The following DSC3 variants were observed in gnomAD, a reference collection of about 807,000 sequenced individuals.
The protein encoded by DSC3 is desmocollin-3.
Under a neutral mutation model 89.5 loss-of-function variants are expected in DSC3, and 97 were observed. The ratio of observed to expected loss-of-function variants is 1.08; its 90% CI spans 0.92 to 1.28. The LOEUF is 1.28. Ranked by LOEUF, DSC3 falls within the 50% of genes most tolerant of loss-of-function variation. DSC3 has a pLI of 0.00. For synonymous variants in DSC3, 436 were observed against 384.1 expected, an observed-to-expected ratio of 1.14 and a Z score of -1.58; for missense variants, 1,199 against 1,085.3, an observed-to-expected ratio of 1.10 and a Z score of -1.47.
chr18:30,995,665 G>C (rs1451682517), intron 15 of DSC3, among the ~76,000 whole-genome samples: 3 of 152,218 alleles, frequency 2.0e-5, no homozygotes, highest in Non-Finnish European at 1.5e-5. Flanking sequence ...CATTAGTTAT[G>C]TTTTAAAAGC....
At position 31,031,121 on chromosome 18, in the gene DSC3, G is replaced by A. The variant is rs756043552; in HGVS notation, c.206C>T (p.Pro69Leu). 4.3e-6 allele frequency: 7 copies of A among 1,613,440 alleles called. No homozygotes were observed. In the East Asian group the frequency reaches 8.9e-5, roughly 21 times the overall value. The change falls in exon 3 of 16, where the codon CCT becomes CTT. Residue 69 changes from proline (P) to leucine (L), a missense_variant. Physicochemically the swap from Pro to Leu is moderately conservative, Grantham distance 98 (BLOSUM62 -3). Transcript: ENST00000360428. ...RSADLIRSSD[P>L]DFRVLNDGSV... ...CCCATCATTTAGAACTCTGAAATCA[G>A]GATCACTTGACCGGATGAGGTCTGC...
Position 31,042,628 on chromosome 18 carries a change from G to A in DSC3, c.33C>T (p.Arg11=), listed in dbSNP as rs1029822783. The A allele has an allele frequency of 2.6e-6, 4 of 1,550,254 alleles. No individual in the cohort carries two copies. The highest frequency in any genetic ancestry group is 1.7e-4 in the Middle Eastern group (1 of 5,984). The change falls in exon 1 of 16, where the codon CGC becomes CGT. Residue 11 remains arginine, a synonymous_variant. Transcript: ENST00000360428. ...GCAGCAGATGCAGGCAGACGGCTCC[G>A]CGCACGGAGCGCCGGGGCCCAGCGG... is the stretch of plus-strand genomic sequence containing the variant. MAAAGPRRSV[R]GAVCLHLLLT... is the part of the protein sequence containing the mutation.
chr18:31,007,225 T>G, intron 11 of DSC3, 94 bp from the exon 12 acceptor site: 1 of 828,526 alleles, frequency 1.2e-6, no homozygotes, highest in African/African-American at 1.7e-5. Context: ...ACATGATCTG[T>G]TTTTAAATAA....
intron 9 of DSC3, among the ~76,000 whole-genome samples, chr18:31,015,450 T>C (rs138567401): frequency 6.6e-6 from 1 of 152,328 alleles, no homozygotes; most frequent in African/African-American, 2.4e-5. Flanking sequence ...CAAAAGAACA[T>C]TGAGTACATA....
At chr18:31,021,146 T>C (rs1350641600) in intron 7 of DSC3, among the ~76,000 whole-genome samples, 1 of 152,016 alleles carries the variant, frequency 6.6e-6, no homozygotes, top group African/African-American at 2.4e-5. Flanking sequence ...GGTAGATTTT[T>C]TTCTTCATCA....
At chr18:31,001,582 G>C (rs772414943) in intron 14 of DSC3, 36 bp downstream of exon 14, 1 of 1,599,904 alleles carries the variant, frequency 6.3e-7, no homozygotes, top group South Asian at 1.1e-5. Flanking sequence ...TAAATTATCG[G>C]AGATACAAAT....
intron 7 of DSC3, among the ~76,000 whole-genome samples, chr18:31,019,638 A>C (rs1012841933): frequency 1.8e-4 from 27 of 152,100 alleles, no homozygotes; most frequent in African/African-American, 6.3e-4. Flanking sequence ...ACAAAAAAAT[A>C]AAAATTTAGC....
rs762288860 is a variant in DSC3 at position 30,997,048 on chromosome 18, A to G, written c.2236T>C (p.Cys746Arg). 9 of 1,614,092 alleles carry G rather than the reference A, an allele frequency of 5.6e-6. No homozygotes were observed. The highest frequency in any genetic ancestry group is 1.6e-4 in the Middle Eastern group (1 of 6,084). ...NTEAPGDDRV[C>R]SANGFMTQTT... ...TGGGTCATAAATCCATTGGCAGAGC[A>G]CTGAAATAATAAAATGAAATAATTC... Residue 746 changes from cysteine (C) to arginine (R), a missense_variant and splice_region_variant, in exon 15 of 16, where the codon TGC becomes CGC. Coordinates refer to ENST00000360428, the MANE Select transcript of DSC3 (RefSeq NM_001941.5).
intron 13 of DSC3, among the ~76,000 whole-genome samples, chr18:31,003,425 A>G (rs143735764): frequency 3.3e-5 from 5 of 152,244 alleles, no homozygotes; most frequent in African/African-American, 1.2e-4. Context: ...ATGAAAAATA[A>G]TGAACACATT....
At chr18:31,024,186 C>T (rs769918038) in intron 6 of DSC3, among the ~76,000 whole-genome samples, 163 bp downstream of exon 6, 28 of 152,076 alleles carry the variant, frequency 1.8e-4, no homozygotes, top group Non-Finnish European at 3.4e-4. Context: ...GGGCAAGGCA[C>T]ATGTTGATTG....
chr18:31,032,405 G>A, intron 1 of DSC3, 129 bp from the exon 2 acceptor site: 3 of 699,848 alleles, frequency 4.3e-6, no homozygotes, highest in Non-Finnish European at 7.5e-6. Flanking sequence ...CAGCAAACTA[G>A]GAATAGAAAG....
intron 2 of DSC3, 85 bp from the exon 3 acceptor site, chr18:31,031,257 A>G: frequency 1.0e-6 from 1 of 982,184 alleles, no homozygotes; most frequent in Non-Finnish European, 1.5e-6. Context: ...TATTCTTAAA[A>G]ACCATGAAGT....
At chr18:31,033,488 CA>C (rs1985869384) in intron 1 of DSC3, among the ~76,000 whole-genome samples, 1 of 151,974 alleles carries the variant, frequency 6.6e-6, no homozygotes, top group Admixed American at 6.6e-5. Context: ...CCAGACATTT[CA>C]AGAGAAATAA....
At chr18:31,025,961 G>T in intron 4 of DSC3, 46 bp from the exon 5 acceptor site, 1 of 1,543,864 alleles carries the variant, frequency 6.5e-7, no homozygotes, top group Non-Finnish European at 8.9e-7. Flanking sequence ...ACTAAATTCA[G>T]TTACAATATT....
At chr18:31,022,272 T>C in intron 7 of DSC3, 64 bp downstream of exon 7, 3 of 1,589,886 alleles carry the variant, frequency 1.9e-6, no homozygotes, top group East Asian at 2.2e-5. Context: ...TAGCAAGTTA[T>C]AATAAATGGG....
chr18:31,001,523 A>C (rs1984658130), intron 14 of DSC3, 95 bp downstream of exon 14: 1 of 1,427,342 alleles, frequency 7.0e-7, no homozygotes, highest in African/African-American at 1.4e-5. Flanking sequence ...GATTCAATTA[A>C]AAATATAAAT....
chr18:30,989,964 A>G lies in DSC3; in HGVS notation c.*4211T>C, dbSNP rs1984177561. On this transcript the variant is annotated 3_prime_UTR_variant, in exon 16 of 16. Coordinates refer to ENST00000360428, the MANE Select transcript of DSC3 (RefSeq NM_001941.5). ...TGTTATCAATGTTCATTGTGAAAAA[A>G]TCAACACAGAAAGAATAAATTATCA... The G allele has an allele frequency of 6.6e-6, 1 of 152,314 alleles. No individual in the cohort carries two copies. The highest frequency in any genetic ancestry group is 2.0e-4 in the South Asian group (1 of 4,908). 9.4% of individuals were successfully genotyped at this position (152,314 alleles called of 1,614,324 possible). A position where few individuals can be genotyped will look rare whatever the true frequency, so the allele number is the denominator to read the frequency against.
At chr18:31,027,085 A>T (rs888989322) in intron 4 of DSC3, among the ~76,000 whole-genome samples, 2 of 152,292 alleles carry the variant, frequency 1.3e-5, no homozygotes, top group East Asian at 3.9e-4. Context: ...AATAATGTAT[A>T]ATAATACAGA....
Position 31,022,503 on chromosome 18 carries a change from C to T in DSC3, c.776-1G>A, listed in dbSNP as rs890552401. On this transcript the variant is annotated splice_acceptor_variant, in intron 6 of 15. Transcript: ENST00000360428. LOFTEE classifies it high-confidence loss of function. ...GCACAAACCACCCCCACTGTAGTAC[C>T]TACACATTAAAAAATAAAACAGCCT... 9 of 1,613,898 alleles carry T rather than the reference C, an allele frequency of 5.6e-6. No individual in the cohort carries two copies. Among genetic ancestry groups the T allele is most frequent in the Non-Finnish European group, 7.6e-6 (9 of 1,179,914 alleles).
Sources: allele counts gnomAD v4.1 joint callset (sites outside exome capture counted in the v4.1 genomes callset), GRCh38; gene constraint gnomAD v4.1.1; transcripts MANE v1.5; gene names NCBI Gene and HGNC (gene_info 2026-07-23, HGNC 2026-07-21).